The following SLC9B1 variants were observed in gnomAD, a reference collection of about 807,000 sequenced individuals.
The protein encoded by SLC9B1 is solute carrier family 9 member B1.
Under a neutral mutation model 51.7 loss-of-function variants are expected in SLC9B1, and 32 were observed. The observed-to-expected ratio is 0.62, with a 90% confidence interval of 0.47 to 0.83. The LOEUF is 0.83. Among genes scored for constraint, SLC9B1 ranks in the 40% least tolerant of loss-of-function variants. The pLI is 0.00. For missense variants in SLC9B1, 406 were observed against 613.2 expected (o/e 0.66, Z 3.57); for synonymous variants, 145 against 212.7 (o/e 0.68, Z 2.77).
chr4:102,932,773 G>A (rs1014075386), intron 6 of SLC9B1, among the ~76,000 whole-genome samples: 2 of 152,214 alleles, frequency 1.3e-5, no homozygotes, highest in Admixed American at 1.3e-4. Context: ...GATGCTGGGA[G>A]CAGGAGAGAC....
At chr4:102,888,856 A>G (rs1734078234) in intron 11 of SLC9B1, 1 of 152,272 alleles carries the variant, frequency 6.6e-6, no homozygotes, top group Non-Finnish European at 1.5e-5. Flanking sequence ...AGACCTTGCT[A>G]GGCACTCTGG....
At chr4:102,972,999 A>G (rs945349793) in intron 3 of SLC9B1, among the ~76,000 whole-genome samples, 16 of 152,230 alleles carry the variant, frequency 1.1e-4, no homozygotes, top group African/African-American at 3.9e-4. Flanking sequence ...TTTTAAACAA[A>G]TAGAGGGGAA....
intron 9 of SLC9B1, among the ~76,000 whole-genome samples, chr4:102,909,267 A>G (rs1423636249): frequency 6.6e-6 from 1 of 150,892 alleles, no homozygotes; most frequent in African/African-American, 2.5e-5. Context: ...TTTTAAGACC[A>G]GCCTGGGCAA....
chr4:102,889,755 TTAAA>T (rs1167603607), intron 11 of SLC9B1: 1 of 152,218 alleles, frequency 6.6e-6, no homozygotes, highest in African/African-American at 2.4e-5. Flanking sequence ...AATAACTCCT[TTAAA>T]TAAGCATTAT....
At chr4:102,928,465 C>T (rs1736297152) in intron 7 of SLC9B1, among the ~76,000 whole-genome samples, 1 of 152,216 alleles carries the variant, frequency 6.6e-6, no homozygotes, top group African/African-American at 2.4e-5. Context: ...TTCAACAAGT[C>T]TCTAGGCAGT....
rs574935569 is a variant in SLC9B1, at chr4:102,887,678, T to C, written c.1333-2350A>G. The C allele has an allele frequency of 9.8e-4, 313 of 320,530 alleles. 4 individuals are homozygous for C. The South Asian group carries it at 0.015, about 15-fold the overall frequency. The allele number at this position is 320,530 out of a possible 1,614,324, so 19.9% of individuals were successfully genotyped here. ...CTTCTGATTTTAATCTAGGAAAACC[T>C]AAATTGTGGCTATGGATCCAAAGCT... On this transcript the variant is annotated intron_variant, in intron 11 of 11. Coordinates refer to the SLC9B1 transcript ENST00000394789.
At chr4:102,988,646 G>C (rs949400208) in intron 3 of SLC9B1, among the ~76,000 whole-genome samples, 1 of 152,038 alleles carries the variant, frequency 6.6e-6, no homozygotes, top group African/African-American at 2.4e-5. Flanking sequence ...TGTTGAGAGA[G>C]AGGGACAAAC....
At chr4:103,001,458 C>G (rs1331794067) in intron 1 of SLC9B1, among the ~76,000 whole-genome samples, 1 of 152,228 alleles carries the variant, frequency 6.6e-6, no homozygotes, top group East Asian at 1.9e-4. Context: ...ATTTCTCCTG[C>G]CAGATACCCT....
In SLC9B1 at chr4:102,932,263, GACAACA is replaced by G. The variant is rs779917621; in HGVS notation, c.684_689del (p.Val229_Val230del). On this transcript the variant is annotated inframe_deletion, in exon 7 of 12. Transcript: ENST00000296422. The stretch of plus-strand genomic sequence containing the variant: ...TTTCTTGCAGCACCATCATGTAAGG[GACAACA>G]ACAGCAGGAGAGACAGCACCTAGAA... The G allele has an allele frequency of 6.2e-7, 1 of 1,611,650 alleles. No homozygotes were observed. The highest frequency in any genetic ancestry group is 8.5e-7 in the Non-Finnish European group (1 of 1,179,776).
At chr4:102,941,444 T>C (rs1322831050) in intron 6 of SLC9B1, 2 of 455,150 alleles carry the variant, frequency 4.4e-6, no homozygotes, top group Admixed American at 4.7e-5. Context: ...TGCAGTGAGA[T>C]ACAACCTCAC....
intron 6 of SLC9B1, among the ~76,000 whole-genome samples, chr4:102,935,280 A>T (rs1235230446): frequency 6.6e-6 from 1 of 152,204 alleles, no homozygotes; most frequent in Non-Finnish European, 1.5e-5. Flanking sequence ...AAATTAAAAC[A>T]ACAAAAATAT....
intron 7 of SLC9B1, among the ~76,000 whole-genome samples, chr4:102,919,203 C>T (rs1318190762): frequency 6.6e-6 from 1 of 152,226 alleles, no homozygotes; most frequent in Admixed American, 6.5e-5. Flanking sequence ...GTTACTTCTG[C>T]AAATTTCTGC....
At chr4:102,962,009 A>G (rs1738162959) in intron 3 of SLC9B1, 2 of 301,192 alleles carry the variant, frequency 6.6e-6, no homozygotes, top group South Asian at 3.0e-5. Flanking sequence ...GGTAAGAGCC[A>G]CTTGGTGCCC....
chr4:102,936,813 T>C (rs1353780627), intron 6 of SLC9B1, among the ~76,000 whole-genome samples: 1 of 151,994 alleles, frequency 6.6e-6, no homozygotes, highest in Non-Finnish European at 1.5e-5. Flanking sequence ...AATAAGCAAG[T>C]TGGAAAACAT....
intron 3 of SLC9B1, among the ~76,000 whole-genome samples, chr4:102,950,973 T>TA (rs1343352182): frequency 6.6e-6 from 1 of 152,064 alleles, no homozygotes; most frequent in Non-Finnish European, 1.5e-5. Flanking sequence ...CCAGCCTAGG[T>TA]AACAAGAGCA....
At position 102,947,233 on chromosome 4, in the gene SLC9B1, T is replaced by C. The variant is rs191329081; in HGVS notation, c.383-444A>G. 6.9e-3 allele frequency among the ~76,000 whole-genome samples: 1,052 copies of C among 152,184 alleles called. 40 individuals carry two copies. Among genetic ancestry groups the C allele is most frequent in the Admixed American group, 0.062 (952 of 15,284 alleles). On this transcript the variant is annotated intron_variant, in intron 4 of 11. Transcript: ENST00000296422. ...AGTCCACGCAAAAGTTGGAAACAAA[T>C]AGCCTAAGCTAGAGCAAAAGAGAAA...
At chr4:102,990,733 A>G (rs990958759) in intron 2 of SLC9B1, among the ~76,000 whole-genome samples, 36 of 152,104 alleles carry the variant, frequency 2.4e-4, no homozygotes, top group African/African-American at 8.4e-4. Context: ...GAAAGAGGGA[A>G]CATCTTATCA....
At chr4:102,967,486 C>T (rs945520610) in intron 3 of SLC9B1, among the ~76,000 whole-genome samples, 1 of 152,172 alleles carries the variant, frequency 6.6e-6, no homozygotes, top group African/African-American at 2.4e-5. Context: ...CTGGCATCTG[C>T]TTGGGTTCTG....
intron 6 of SLC9B1, among the ~76,000 whole-genome samples, chr4:102,939,779 T>C (rs1736900661): frequency 6.6e-6 from 1 of 151,920 alleles, no homozygotes. Context: ...TGATTCATCA[T>C]ATAATAGAAC....
Sources: gnomAD v4.1 joint callset for allele counts (sites outside exome capture counted in the v4.1 genomes callset) on GRCh38, gnomAD v4.1.1 for gene constraint, MANE v1.5 for transcripts, NCBI Gene and HGNC (gene_info 2026-07-23, HGNC 2026-07-21) for gene names.